Variants in RABGAP1 observed in about 807,000 individuals in gnomAD.
RABGAP1 encodes the protein RAB GTPase activating protein 1.
In RABGAP1, 23 loss-of-function variants were observed where a neutral mutation model predicts 137.6. The observed-to-expected ratio is 0.17, with a 90% CI of 0.12 to 0.24. The LOEUF is 0.24. Ranked by LOEUF, RABGAP1 falls within the 10% of genes least tolerant of loss-of-function variation. The pLI, the probability that RABGAP1 is intolerant of heterozygous loss-of-function variation, is 1.00. For synonymous variants in RABGAP1, 451 were observed against 450.7 expected, an observed-to-expected ratio of 1.00 and a Z score of -0.01; for missense variants, 906 against 1,275.8, an observed-to-expected ratio of 0.71 and a Z score of 4.42.
At chr9:122,982,886 T>C (rs1272271985) in intron 2 of RABGAP1, among the ~76,000 whole-genome samples, 3 of 152,076 alleles carry the variant, frequency 2.0e-5, no homozygotes, top group African/African-American at 7.2e-5. Context: ...AAAAAAGTTT[T>C]TGAGACAGGG....
chr9:122,990,244 C>G, intron 6 of RABGAP1, 31 bp downstream of exon 6: 1 of 1,542,356 alleles, frequency 6.5e-7, no homozygotes, highest in East Asian at 2.3e-5. Context: ...CATGTATTAA[C>G]ATGCTGTGGT....
intron 13 of RABGAP1, chr9:123,020,843 G>T (rs2031582520): frequency 1.3e-5 from 10 of 773,198 alleles, no homozygotes; most frequent in Non-Finnish European, 1.6e-5. Context: ...TAATTCTTCT[G>T]CAACTGTAAG....
intron 1 of RABGAP1, among the ~76,000 whole-genome samples, chr9:122,944,531 T>C (rs1833824080): frequency 6.6e-6 from 1 of 151,952 alleles, no homozygotes. Flanking sequence ...TGTTTCTTTT[T>C]TTTTTCTTCT....
At chr9:123,077,947 G>A (rs747787826) in intron 19 of RABGAP1, among the ~76,000 whole-genome samples, 3 of 152,088 alleles carry the variant, frequency 2.0e-5, no homozygotes, top group African/African-American at 7.2e-5. Flanking sequence ...TTAAATGCCT[G>A]GAAGAACTTG....
At chr9:122,994,778 G>T (rs1408310053) in intron 6 of RABGAP1, among the ~76,000 whole-genome samples, 1 of 152,168 alleles carries the variant, frequency 6.6e-6, no homozygotes, top group Non-Finnish European at 1.5e-5. Context: ...AGAACAGTGA[G>T]CTAGAGAAAG....
At chr9:123,012,189 G>A (rs2030866834) in intron 11 of RABGAP1, among the ~76,000 whole-genome samples, 1 of 152,162 alleles carries the variant, frequency 6.6e-6, no homozygotes, top group South Asian at 2.1e-4. Context: ...GAGTCCCCCT[G>A]GAGAGCCAAT....
chr9:123,006,950 A>G (rs1333329218), intron 10 of RABGAP1, among the ~76,000 whole-genome samples: 3 of 151,532 alleles, frequency 2.0e-5, no homozygotes, highest in African/African-American at 4.9e-5. Context: ...TGGTAGGTCT[A>G]CCTTCCCTCC....
chr9:122,931,828 C>T, the RABGAP1 span, among the ~76,000 whole-genome samples: 2 of 152,256 alleles, frequency 1.3e-5, no homozygotes, highest in South Asian at 2.1e-4. Flanking sequence ...TGGGCCTAGA[C>T]GGTCCGCTGC....
intron 13 of RABGAP1, among the ~76,000 whole-genome samples, chr9:123,022,245 T>C (rs1055533590): frequency 2.7e-4 from 41 of 152,344 alleles, no homozygotes; most frequent in African/African-American, 7.2e-4. Context: ...GAATGGATTC[T>C]GTTTTTCTGG....
upstream of RABGAP1, chr9:122,940,864 G>A (rs534374789): frequency 6.6e-6 from 1 of 152,668 alleles, no homozygotes; most frequent in South Asian, 2.1e-4. Context: ...CCCAGGTGGG[G>A]CTCGGAGAAG....
At chr9:123,073,970 G>A (rs1345659955) in intron 16 of RABGAP1, among the ~76,000 whole-genome samples, 1 of 152,156 alleles carries the variant, frequency 6.6e-6, no homozygotes, top group African/African-American at 2.4e-5. Flanking sequence ...CTCTGAAGCT[G>A]ACTGGTTAGG....
Position 123,101,654 on chromosome 9 carries a change from A to G in RABGAP1, c.2978A>G (p.Asp993Gly). The change falls in exon 25 of 26, where the codon GAT (aspartate) becomes GGT (glycine). Residue 993 changes from aspartate (D) to glycine (G), a missense_variant. By Grantham distance (94) the Asp-to-Gly change is moderately conservative. Coordinates refer to ENST00000373647, the MANE Select transcript of RABGAP1 (RefSeq NM_012197.4). Reference protein sequence around the residue: ...KGISSTKEVLDEDTDEEKETL... With the variant: ...KGISSTKEVLGEDTDEEKETL... ...ATAAGCTCAACCAAGGAGGTTTTAG[A>G]TGAGGACACGGATGAAGAGAAAGAG... The G allele has an allele frequency of 6.2e-7, 1 of 1,614,166 alleles. No homozygotes were observed. The highest frequency in any genetic ancestry group is 8.5e-7 in the Non-Finnish European group (1 of 1,180,030).
intron 2 of RABGAP1, among the ~76,000 whole-genome samples, chr9:122,976,557 C>T (rs1835769736): frequency 6.6e-6 from 1 of 152,102 alleles, no homozygotes; most frequent in Non-Finnish European, 1.5e-5. Flanking sequence ...TATAATTAAA[C>T]CAAAATTTGT....
intron 2 of RABGAP1, among the ~76,000 whole-genome samples, chr9:122,959,075 TAAA>T (rs1042437366): frequency 2.0e-5 from 3 of 152,002 alleles, no homozygotes; most frequent in Non-Finnish European, 2.9e-5. Flanking sequence ...CAGTAAAACT[TAAA>T]AAAATTAATT....
chr9:123,065,907 C>A (rs569569631), intron 14 of RABGAP1, among the ~76,000 whole-genome samples: 1 of 152,204 alleles, frequency 6.6e-6, no homozygotes, highest in Non-Finnish European at 1.5e-5. Context: ...ATTCTGATTT[C>A]TCTCAAAAGG....
At chr9:123,074,134 C>T in intron 16 of RABGAP1, 151 bp from the exon 17 acceptor site, 1 of 865,408 alleles carries the variant, frequency 1.2e-6, no homozygotes, top group Non-Finnish European at 1.7e-6. Context: ...CAGCTTAATA[C>T]CAGATGATAA....
At chr9:123,069,575 TAA>T (rs11319313) in intron 14 of RABGAP1, among the ~76,000 whole-genome samples, 179 of 145,278 alleles carry the variant, frequency 1.2e-3, no homozygotes, top group Non-Finnish European at 1.4e-3. Context: ...CTGTCTCTAT[TAA>T]AAAAAAAAAA....
chr9:123,009,152 C>T (rs1373060308), intron 10 of RABGAP1, among the ~76,000 whole-genome samples: 1 of 152,188 alleles, frequency 6.6e-6, no homozygotes, highest in African/African-American at 2.4e-5. Flanking sequence ...TCATTTATTG[C>T]CTGGCTGCTT....
chr9:123,089,823 G>A lies in RABGAP1; in HGVS notation c.2490G>A (p.Gln830=). 1 of 1,613,804 alleles carries A rather than the reference G, an allele frequency of 6.2e-7. No homozygotes were observed. Among genetic ancestry groups the A allele is most frequent in the Non-Finnish European group, 8.5e-7 (1 of 1,179,812 alleles). ...EYHTMREQQA[Q]QEDPIERFER... ...ACACCATGAGGGAACAGCAGGCCCA[G>A]CAAGAAGACCCCATCGAGCGATTTG... Residue 830 remains glutamine (Q), a synonymous_variant, in exon 20 of 26, where the codon CAG becomes CAA. Transcript: ENST00000373647.
Sources: allele counts gnomAD v4.1 joint callset (sites outside exome capture counted in the v4.1 genomes callset), GRCh38; gene constraint gnomAD v4.1.1; transcripts MANE v1.5; gene names NCBI Gene and HGNC (gene_info 2026-07-23, HGNC 2026-07-21).